Variants in CRYGB observed in about 807,000 individuals in gnomAD.
CRYGB encodes the protein gamma-crystallin B.
A neutral mutation model predicts 21.3 loss-of-function variants in CRYGB; 19 were observed. The observed-to-expected ratio is 0.89, with a 90% CI of 0.62 to 1.31. The LOEUF (loss-of-function observed/expected upper bound fraction) is 1.31, where lower values mean the gene tolerates loss of function less well. Ranked by LOEUF, CRYGB falls within the 50% of genes most tolerant of loss-of-function variation. CRYGB has a pLI of 0.00. For missense variants in CRYGB, 254 were observed against 228.4 expected (o/e 1.11, Z -0.72); for synonymous variants, 81 against 81.2 (o/e 1.00, Z 0.01).
chr2:208,144,396 C>CACAG (rs1695418057), intron 2 of CRYGB, among the ~76,000 whole-genome samples: 1 of 151,194 alleles, frequency 6.6e-6, no homozygotes, highest in Admixed American at 6.6e-5. Context: ...CGCACACACA[C>CACAG]ACACACATAT....
At chr2:208,144,470 C>A (rs183254936) in intron 2 of CRYGB, among the ~76,000 whole-genome samples, 1 of 152,218 alleles carries the variant, frequency 6.6e-6, no homozygotes, top group East Asian at 1.9e-4. Flanking sequence ...ATGGCATGAT[C>A]ATGGGTCACA....
chr2:208,145,807 G>A lies in CRYGB; in HGVS notation c.219C>T (p.Ser73=), dbSNP rs561143158. ...TGAGGCAGCAGGAGCGGATGGAGTC[G>A]CTGAGGCCCATCCATTGCTGGTAGT... ...YPDYQQWMGL[S]DSIRSCCLIP... The change falls in exon 2 of 3, where the codon AGC becomes AGT. Residue 73 remains serine, a synonymous_variant. Coordinates refer to ENST00000260988, the MANE Select transcript of CRYGB (RefSeq NM_005210.4). The A allele has an allele frequency of 1.2e-4, 187 of 1,613,666 alleles. No individual in the cohort carries two copies. Among genetic ancestry groups the A allele is most frequent in the South Asian group, 9.0e-4 (82 of 91,066 alleles).
rs780199422 is a variant in CRYGB, at chr2:208,142,620, G to C, written c.*18C>G. ...TTTTATTAGATTTTAAAGGAGAAAA[G>C]TGGAAAACGTAAATACTTCAGTACA... On this transcript the variant is annotated 3_prime_UTR_variant, in exon 3 of 3. Transcript: ENST00000260988. The C allele has an allele frequency of 2.1e-6, 3 of 1,451,174 alleles. No homozygotes were observed. The highest frequency in any genetic ancestry group is 2.7e-6 in the Non-Finnish European group (3 of 1,100,318). The allele number at this position is 1,451,174 out of a possible 1,614,324, so 89.9% of individuals were successfully genotyped here. A position where few individuals can be genotyped will look rare whatever the true frequency, so the allele number is the denominator to read the frequency against.
rs777358368 is a variant in CRYGB, at chr2:208,145,789, G to A, written c.237C>T (p.Cys79=). Residue 79 remains cysteine (C), a synonymous_variant, in exon 2 of 3, where the codon TGC becomes TGT. Coordinates refer to ENST00000260988, the MANE Select transcript of CRYGB (RefSeq NM_005210.4). Reference sequence around the variant, plus strand: ...CCACACTCACCGGGGGGATGAGGCAGCAGGAGCGGATGGAGTCGCTGAGGC... The same window carrying A: ...CCACACTCACCGGGGGGATGAGGCAACAGGAGCGGATGGAGTCGCTGAGGC... The part of the protein sequence containing the change: ...WMGLSDSIRS[C]CLIPPHSGAY... 9 of 1,613,084 alleles carry A rather than the reference G, an allele frequency of 5.6e-6. No homozygotes were observed. Among genetic ancestry groups the A allele is most frequent in the Non-Finnish European group, 7.6e-6 (9 of 1,179,624 alleles).
chr2:208,142,653 G>A lies in CRYGB; in HGVS notation c.513C>T (p.Val171=), dbSNP rs541388467. 1.7e-4 allele frequency: 256 copies of A among 1,539,956 alleles called. 4 individuals are homozygous for A. In the South Asian group the frequency reaches 3.2e-3, roughly 19 times the overall value. ...PNAKVGSLRR[V]MDLY ...CGTAAATACTTCAGTACAAATCCAT[G>A]ACTCGTCTAAGAGAGCCAACTTTGG... The change falls in exon 3 of 3, where the codon GTC becomes GTT. Residue 171 remains valine, a synonymous_variant. Transcript: ENST00000260988.
intron 2 of CRYGB, among the ~76,000 whole-genome samples, chr2:208,144,557 C>G (rs1214400641): frequency 6.6e-6 from 1 of 151,968 alleles, no homozygotes; most frequent in Non-Finnish European, 1.5e-5. Flanking sequence ...GCATGCACCA[C>G]CACATCTGGC....
intron 2 of CRYGB, among the ~76,000 whole-genome samples, chr2:208,144,470 C>G: frequency 6.6e-6 from 1 of 152,102 alleles, no homozygotes; most frequent in East Asian, 1.9e-4. Context: ...ATGGCATGAT[C>G]ATGGGTCACA....
intron 2 of CRYGB, among the ~76,000 whole-genome samples, chr2:208,145,125 T>G (rs1338389129): frequency 6.6e-6 from 1 of 152,208 alleles, no homozygotes; most frequent in Non-Finnish European, 1.5e-5. Flanking sequence ...AGTGAGCTAA[T>G]AGGTACTGAC....
chr2:208,144,098 A>G (rs1695410193), intron 2 of CRYGB, among the ~76,000 whole-genome samples: 1 of 142,198 alleles, frequency 7.0e-6, no homozygotes, highest in Admixed American at 7.4e-5. Flanking sequence ...TCGGCTCACC[A>G]CAACCTCTGC....
intron 2 of CRYGB, among the ~76,000 whole-genome samples, chr2:208,145,249 T>TTGTTGC (rs1695436910): frequency 5.5e-5 from 1 of 18,158 alleles, no homozygotes; most frequent in Non-Finnish European, 2.1e-4. Context: ...GTTGTTGTTG[T>TTGTTGC]TATTGTCGTT....
At position 208,142,752 on chromosome 2, in the gene CRYGB, G is replaced by A; in HGVS notation, c.414C>T (p.Pro138=). The change falls in exon 3 of 3, where the codon CCC becomes CCT. Residue 138 remains proline, a synonymous_variant. Transcript: ENST00000260988. ...GCAGATACTGCCTCCCCCTGTAGTT[G>A]GGCATCTCATAGAGGATCCAGCTGC... ...LEGSWILYEM[P]NYRGRQYLLR... 6.2e-7 allele frequency: 1 copy of A among 1,614,038 alleles called. No homozygotes were observed. The highest frequency in any genetic ancestry group is 8.5e-7 in the Non-Finnish European group (1 of 1,180,008).
intron 2 of CRYGB, 92 bp downstream of exon 2, chr2:208,145,682 C>G: frequency 1.1e-5 from 16 of 1,470,218 alleles, no homozygotes; most frequent in South Asian, 7.0e-5. Flanking sequence ...GAGCGAGACT[C>G]CGCCTCAAAA....
At chr2:208,146,061 T>C (rs765527661) in intron 1 of CRYGB, 45 bp from the exon 2 acceptor site, 9 of 1,614,170 alleles carry the variant, frequency 5.6e-6, no homozygotes, top group East Asian at 2.2e-5. Flanking sequence ...TGGCCCCCAC[T>C]GAGGCCACTG....
In CRYGB at chr2:208,146,015, A is replaced by G. The variant is rs1695464463; in HGVS notation, c.11T>C (p.Ile4Thr). The change falls in exon 2 of 3, where the codon ATC becomes ACC. Residue 4 changes from isoleucine to threonine, a missense_variant and splice_region_variant. By Grantham distance (89) the Ile-to-Thr change is moderately conservative. Transcript: ENST00000260988. MGK[I>T]TFYEDRAFQG... ...GAAGGCCCTGTCCTCGTAGAAGGTG[A>G]TCTGAAAAATGGAAGATGTGGGAGC... 3 of 1,613,908 alleles carry G rather than the reference A, an allele frequency of 1.9e-6. No individual in the cohort carries two copies. Among genetic ancestry groups the G allele is most frequent in the Admixed American group, 1.7e-5 (1 of 59,992 alleles).
rs750863972 is a variant in CRYGB at position 208,142,790 on chromosome 2, T to C, written c.376A>G (p.Asn126Asp). 16 of 1,614,024 alleles carry C rather than the reference T, an allele frequency of 9.9e-6. No homozygotes were observed. In the East Asian group the frequency reaches 2.7e-4, roughly 27 times the overall value. The change falls in exon 3 of 3, where the codon AAT (asparagine) becomes GAT (aspartate). Residue 126 changes from asparagine (N) to aspartate (D), a missense_variant. Transcript: ENST00000260988. ...RFHLTEIHSLNVLEGSWILYE... is the reference protein window; with the variant it reads ...RFHLTEIHSLDVLEGSWILYE... ...AGGATCCAGCTGCCCTCCAGCACAT[T>C]GAGGGAGTGAATTTCAGTGAGGTGG...
At position 208,143,796 on chromosome 2, in the gene CRYGB, G is replaced by A. The variant is rs2362793; in HGVS notation, c.253-883C>T. 1.6e-3 allele frequency among the ~76,000 whole-genome samples: 239 copies of A among 151,430 alleles called. 1 individual carries two copies. Among genetic ancestry groups the A allele is most frequent in the Non-Finnish European group, 2.5e-3 (166 of 67,752 alleles). On this transcript the variant is annotated intron_variant, in intron 2 of 2. Coordinates refer to ENST00000260988, the MANE Select transcript of CRYGB (RefSeq NM_005210.4). ...TGCTGGGATCACAGGGGTGAGCCAC[G>A]CGCCCAGCTCTGTTTCTTATCCATG...
In CRYGB at chr2:208,146,030, G is replaced by T. The variant is rs774276573; in HGVS notation, c.10-14C>A. 1.2e-5 allele frequency: 20 copies of T among 1,613,146 alleles called. No individual in the cohort carries two copies. The Admixed American group carries it at 3.3e-4, about 27-fold the overall frequency. On this transcript the variant is annotated splice_polypyrimidine_tract_variant and intron_variant, in intron 1 of 2. Coordinates refer to ENST00000260988, the MANE Select transcript of CRYGB (RefSeq NM_005210.4). The stretch of plus-strand genomic sequence containing the variant: ...GTAGAAGGTGATCTGAAAAATGGAA[G>T]ATGTGGGAGCATGGAGTGATTGGCC...
rs758440322 is a variant in CRYGB at position 208,146,005 on chromosome 2, G to C, written c.21C>G (p.Tyr7Ter). The C allele has an allele frequency of 6.2e-7, 1 of 1,614,042 alleles. No homozygotes were observed. The highest frequency in any genetic ancestry group is 1.1e-5 in the South Asian group (1 of 91,084). The change falls in exon 2 of 3, where the codon TAC (tyrosine) becomes TAG (stop). Residue 7 changes from tyrosine (Y) to a stop codon, truncating the protein, a stop_gained. Transcript: ENST00000260988. LOFTEE classifies it high-confidence loss of function. MGKITF[Y>*]EDRAFQGRSY... ...TGCGGCCCTGGAAGGCCCTGTCCTCGTAGAAGGTGATCTGAAAAATGGAAG... is the reference window on the plus strand; with the variant it reads ...TGCGGCCCTGGAAGGCCCTGTCCTCCTAGAAGGTGATCTGAAAAATGGAAG...
intron 1 of CRYGB, 23 bp from the exon 2 acceptor site, chr2:208,146,039 G>A: frequency 1.2e-6 from 2 of 1,611,120 alleles, no homozygotes; most frequent in African/African-American, 1.4e-5. Context: ...AGATGTGGGA[G>A]CATGGAGTGA....
Sources: gnomAD v4.1 joint callset for allele counts (sites outside exome capture counted in the v4.1 genomes callset) on GRCh38, gnomAD v4.1.1 for gene constraint, MANE v1.5 for transcripts, NCBI Gene and HGNC (gene_info 2026-07-23, HGNC 2026-07-21) for gene names.